PAMR1: variants seen among roughly 807,000 people sequenced by gnomAD.
The protein encoded by PAMR1 is peptidase domain containing associated with muscle regeneration 1.
PAMR1 carries 88 observed loss-of-function variants against 81.8 expected under a neutral mutation model. The ratio of observed to expected loss-of-function variants is 1.08; its 90% CI spans 0.91 to 1.28. The LOEUF (loss-of-function observed/expected upper bound fraction) is 1.28. Among genes scored for constraint, PAMR1 ranks in the 50% most tolerant of loss-of-function variants. PAMR1 has a pLI of 0.00. For missense variants in PAMR1, 935 were observed against 919.7 expected (o/e 1.02, Z -0.21); for synonymous variants, 336 against 345.3 (o/e 0.97, Z 0.30).
At chr11:35,509,662 G>T (rs1727547687) in intron 1 of PAMR1, among the ~76,000 whole-genome samples, 1 of 152,250 alleles carries the variant, frequency 6.6e-6, no homozygotes, top group Admixed American at 6.5e-5. Context: ...GTGAAGAAAA[G>T]GGTGAAGTAG....
At chr11:35,526,519 A>C (rs1314955594), upstream of PAMR1, among the ~76,000 whole-genome samples, 1 of 152,218 alleles carries the variant, frequency 6.6e-6, no homozygotes. Context: ...GCCAGGTGTC[A>C]TGTACCTTAC....
intron 1 of PAMR1, among the ~76,000 whole-genome samples, chr11:35,507,755 G>A (rs116725601): frequency 1.0e-3 from 148 of 147,112 alleles, no homozygotes; most frequent in African/African-American, 3.5e-3. Context: ...TTTTTACTGG[G>A]TATGTTTGCT....
At chr11:35,499,585 A>T (rs1466863372) in intron 1 of PAMR1, among the ~76,000 whole-genome samples, 2 of 152,180 alleles carry the variant, frequency 1.3e-5, no homozygotes, top group African/African-American at 4.8e-5. Context: ...GTCACATGCC[A>T]GGGGTCTCCC....
intron 1 of PAMR1, among the ~76,000 whole-genome samples, chr11:35,504,202 C>A (rs1212605413): frequency 3.9e-5 from 6 of 151,994 alleles, no homozygotes; most frequent in Non-Finnish European, 8.8e-5. Flanking sequence ...TTTGAATCAA[C>A]CTTGCATCCT....
intron 6 of PAMR1, among the ~76,000 whole-genome samples, chr11:35,465,864 CA>C (rs1248123253): frequency 2.0e-5 from 3 of 152,186 alleles, no homozygotes; most frequent in Non-Finnish European, 4.4e-5. Flanking sequence ...TGAATCAGTT[CA>C]TAGTGACATA....
intron 6 of PAMR1, among the ~76,000 whole-genome samples, chr11:35,446,784 T>C (rs1034941874): frequency 6.6e-6 from 1 of 152,242 alleles, no homozygotes; most frequent in Non-Finnish European, 1.5e-5. Flanking sequence ...GTAAGTGCTA[T>C]GTGGCACCAA....
intron 6 of PAMR1, among the ~76,000 whole-genome samples, chr11:35,460,145 G>A (rs1386911502): frequency 2.0e-5 from 3 of 152,204 alleles, no homozygotes; most frequent in African/African-American, 7.2e-5. Context: ...TGCAAGGGGA[G>A]GGACAAGTGG....
chr11:35,516,331 T>G (rs1851162259), intron 1 of PAMR1, among the ~76,000 whole-genome samples: 2 of 152,228 alleles, frequency 1.3e-5, no homozygotes, highest in African/African-American at 4.8e-5. Flanking sequence ...ATATGCCTAC[T>G]TTTATTATGC....
At chr11:35,464,083 C>T (rs903855526) in intron 6 of PAMR1, among the ~76,000 whole-genome samples, 5 of 152,144 alleles carry the variant, frequency 3.3e-5, no homozygotes, top group African/African-American at 9.7e-5. Flanking sequence ...AATCAAAATA[C>T]GTGTACCCTT....
chr11:35,480,015 A>C (rs1482227353), intron 3 of PAMR1, among the ~76,000 whole-genome samples: 1 of 152,172 alleles, frequency 6.6e-6, no homozygotes, highest in Non-Finnish European at 1.5e-5. Context: ...GTTGACATAT[A>C]ACCCCAATCC....
intron 1 of PAMR1, among the ~76,000 whole-genome samples, chr11:35,514,310 C>A (rs535803167): frequency 4.6e-5 from 7 of 152,202 alleles, no homozygotes; most frequent in Non-Finnish European, 1.0e-4. Flanking sequence ...ACGAAGGAGG[C>A]GAGATGTAAT....
chr11:35,448,813 G>A (rs1856350892), intron 6 of PAMR1, among the ~76,000 whole-genome samples: 1 of 152,172 alleles, frequency 6.6e-6, no homozygotes, highest in African/African-American at 2.4e-5. Context: ...CTGACCTTTG[G>A]ATGAGATTTT....
intron 1 of PAMR1, among the ~76,000 whole-genome samples, chr11:35,520,291 G>A (rs1053917842): frequency 1.3e-5 from 2 of 152,222 alleles, no homozygotes; most frequent in African/African-American, 4.8e-5. Flanking sequence ...AAGGGGTAGA[G>A]TTGAGTAGGA....
At chr11:35,498,783 C>G (rs1396251680) in intron 1 of PAMR1, among the ~76,000 whole-genome samples, 1 of 152,198 alleles carries the variant, frequency 6.6e-6, no homozygotes, top group Non-Finnish European at 1.5e-5. Flanking sequence ...TTTGCTTCTC[C>G]CAAGGCCTCC....
intron 3 of PAMR1, among the ~76,000 whole-genome samples, chr11:35,486,267 G>A (rs906247951): frequency 1.8e-4 from 28 of 152,160 alleles, no homozygotes; most frequent in African/African-American, 6.5e-4. Flanking sequence ...CAAGCATAAC[G>A]TAATTGAACA....
upstream of PAMR1, chr11:35,526,019 C>T: frequency 5.1e-6 from 1 of 195,760 alleles, no homozygotes; most frequent in Non-Finnish European, 1.1e-5. Flanking sequence ...GAGACGGGAG[C>T]TGGCTTTGCC....
intron 3 of PAMR1, among the ~76,000 whole-genome samples, chr11:35,480,111 T>C (rs73446954): frequency 0.012 from 1,887 of 152,302 alleles, 37 homozygotes; most frequent in African/African-American, 0.043. Flanking sequence ...GTCCTGTTTA[T>C]ACCTCTGCCT....
rs1473106599 is a variant in PAMR1, at chr11:35,446,314, G to C, written c.821-4621C>G. Among the ~76,000 whole-genome samples the C allele has an allele frequency of 2.0e-5, 3 of 152,106 alleles. No individual in the cohort carries two copies. In the South Asian group the frequency reaches 6.2e-4, roughly 31 times the overall value. ...TCCTGGATTAGTTGATTTTTGGAAA[G>C]ATTTTTTGTGTCTCTATCTCCTTCA... On this transcript the variant is annotated intron_variant, in intron 6 of 10. Coordinates refer to ENST00000619888, the MANE Select transcript of PAMR1 (RefSeq NM_001001991.3).
chr11:35,439,545 G>A, intron 8 of PAMR1, 82 bp downstream of exon 8: 1 of 1,132,374 alleles, frequency 8.8e-7, no homozygotes, highest in African/African-American at 1.5e-5. Context: ...GACTATCTTT[G>A]GCCAAACACA....
Sources: gnomAD v4.1 joint callset for allele counts (sites outside exome capture counted in the v4.1 genomes callset) on GRCh38, gnomAD v4.1.1 for gene constraint, MANE v1.5 for transcripts, NCBI Gene and HGNC (gene_info 2026-07-23, HGNC 2026-07-21) for gene names.